Variants in TCHH observed in about 807,000 individuals in gnomAD.
TCHH encodes trichohyalin.
TCHH carries 6 observed loss-of-function variants against 6.3 expected under a neutral mutation model. The observed-to-expected ratio is 0.95, with a 90% CI of 0.52 to 1.88. The LOEUF (loss-of-function observed/expected upper bound fraction) is 1.88. Ranked by LOEUF, TCHH falls within the 40% of genes most tolerant of loss-of-function variation. The pLI is 0.01. For missense variants in TCHH, 2,920 were observed against 2,449.1 expected, an observed-to-expected ratio of 1.19 and a Z score of -4.06; for synonymous variants, 1,087 against 963.6, an observed-to-expected ratio of 1.13 and a Z score of -2.37.
rs753491776 is a variant in TCHH at position 152,107,592 on chromosome 1, T to C, written c.5625A>G (p.Glu1875=). ...WQEEEQKRRQ[E]RERKLREEHI... ...GTTCTTCCCGTAATTTCCTTTCCCG[T>C]TCCTGGCGACGTTTCTGCTCCTCTT... Residue 1875 remains glutamate, a synonymous_variant, in exon 3 of 3, where the codon GAA becomes GAG. Coordinates refer to ENST00000614923, the MANE Select transcript of TCHH (RefSeq NM_007113.4). 15 of 1,614,002 alleles carry C rather than the reference T, an allele frequency of 9.3e-6. No homozygotes were observed. Among genetic ancestry groups the C allele is most frequent in the African/African-American group, 4.0e-5 (3 of 74,914 alleles).
In TCHH at chr1:152,108,001, T is replaced by C. The variant is rs753676446; in HGVS notation, c.5216A>G (p.Gln1739Arg). The part of the protein sequence containing the change: ...EQLRQETEQE[Q>R]LRRQERYRKI... ...TCTGTAGCGTTCTTGGCGGCGCAGC[T>C]GCTCTTGCTCCGTTTCTTGGCGCAG... The change falls in exon 3 of 3, where the codon CAG (glutamine) becomes CGG (arginine). Residue 1739 changes from glutamine (Q) to arginine (R), a missense_variant. By Grantham distance (43) the Gln-to-Arg change is conservative. Coordinates refer to ENST00000614923, the MANE Select transcript of TCHH (RefSeq NM_007113.4). The C allele has an allele frequency of 4.3e-6, 7 of 1,613,620 alleles. No individual in the cohort carries two copies. Among genetic ancestry groups the C allele is most frequent in the Non-Finnish European group, 5.1e-6 (6 of 1,179,934 alleles).
At position 152,111,000 on chromosome 1, in the gene TCHH, C is replaced by T. The variant is rs1341641801; in HGVS notation, c.2217G>A (p.Arg739=). The T allele has an allele frequency of 1.9e-6, 3 of 1,613,270 alleles. No individual in the cohort carries two copies. The African/African-American group carries it at 4.0e-5, about 22-fold the overall frequency. ...ATTGCAGCTCACTCTCCCGGCGCCG[C>T]CTCTTTTCCTCCTGCTCTTGGCGGC... is the stretch of plus-strand genomic sequence containing the variant. ...QRRRQEQEEK[R]RRRESELQWQ... is the part of the protein sequence containing the mutation. The change falls in exon 3 of 3, where the codon AGG becomes AGA. Residue 739 remains arginine (R), a synonymous_variant. Coordinates refer to ENST00000614923, the MANE Select transcript of TCHH (RefSeq NM_007113.4).
rs377407296 is a variant in TCHH at position 152,110,008 on chromosome 1, G to C, written c.3209C>G (p.Thr1070Arg). 1.2e-5 allele frequency: 15 copies of C among 1,203,386 alleles called. No individual in the cohort carries two copies. Among genetic ancestry groups the C allele is most frequent in the Admixed American group, 1.1e-4 (4 of 37,216 alleles). The allele number at this position is 1,203,386 out of a possible 1,614,324, so 74.5% of individuals were successfully genotyped here. Residue 1070 changes from threonine to arginine, a missense_variant, in exon 3 of 3, where the codon ACG (threonine) becomes AGG (arginine). Thr to Arg is a moderately conservative substitution (Grantham distance 71). Coordinates refer to ENST00000614923, the MANE Select transcript of TCHH (RefSeq NM_007113.4). ...EEQLLGEERE[T>R]RRRQELERQY... is the part of the protein sequence containing the mutation. ...CCTCTCCAGCTCCTGGCGCCTTCTC[G>C]TCTCCCGTTCCTCTCCCAGCAGCTG...
chr1:152,110,571 C>T lies in TCHH; in HGVS notation c.2646G>A (p.Arg882=), dbSNP rs775230324. The T allele has an allele frequency of 2.5e-6, 4 of 1,614,062 alleles. No homozygotes were observed. Among genetic ancestry groups the T allele is most frequent in the Admixed American group, 3.3e-5 (2 of 60,012 alleles). The change falls in exon 3 of 3, where the codon AGG becomes AGA. Residue 882 remains arginine, a synonymous_variant. Coordinates refer to ENST00000614923, the MANE Select transcript of TCHH (RefSeq NM_007113.4). ...QKWRWQLEEE[R]KRRRHTLYAK... Reference sequence around the variant, plus strand: ...CGTACAGCGTGTGGCGGCGTCTCTTCCTTTCTTCTTCTAGTTGCCACCTCC... The same window carrying T: ...CGTACAGCGTGTGGCGGCGTCTCTTTCTTTCTTCTTCTAGTTGCCACCTCC...
chr1:152,112,823 C>T lies in TCHH; in HGVS notation c.394G>A (p.Glu132Lys). Residue 132 changes from glutamate (E) to lysine (K), a missense_variant, in exon 3 of 3, where the codon GAA becomes AAA. Transcript: ENST00000614923. ...FEPRDRQLEE[E>K]PGQRRRQKRQ... is the part of the protein sequence containing the mutation. ...TTCTGCCTGCGTCGTTGCCCAGGTTCTTCTTCCAGTTGTCTGTCCCGGGGC... is the reference window on the plus strand; with the variant it reads ...TTCTGCCTGCGTCGTTGCCCAGGTTTTTCTTCCAGTTGTCTGTCCCGGGGC... 1 of 1,612,088 alleles carries T rather than the reference C, an allele frequency of 6.2e-7. No homozygotes were observed. The highest frequency in any genetic ancestry group is 1.3e-5 in the African/African-American group (1 of 74,980).
rs1384385399 is a variant in TCHH at position 152,110,802 on chromosome 1, C to T, written c.2415G>A (p.Gln805=). 5 of 1,608,320 alleles carry T rather than the reference C, an allele frequency of 3.1e-6. No homozygotes were observed. The highest frequency in any genetic ancestry group is 4.2e-6 in the Non-Finnish European group (5 of 1,179,886). The part of the protein sequence containing the change: ...ERQLRAEERQ[Q]REQRFLPEEE... ...CCTCCGGGAGAAACCGTTGTTCCCG[C>T]TGCTGGCGCTCCTCGGCCCTCAGCT... The change falls in exon 3 of 3, where the codon CAG becomes CAA. Residue 805 remains glutamine, a synonymous_variant. Coordinates refer to ENST00000614923, the MANE Select transcript of TCHH (RefSeq NM_007113.4).
In TCHH at chr1:152,109,743, CG is replaced by C. The variant is rs1205862319; in HGVS notation, c.3473del (p.Pro1158ArgfsTer27). On this transcript the variant is annotated frameshift_variant, in exon 3 of 3. Coordinates refer to ENST00000614923, the MANE Select transcript of TCHH (RefSeq NM_007113.4). LOFTEE classifies it low-confidence loss of function (END_TRUNC). ...QEEEQLLREE[P>X]EKRRRQELER... ...CCAGCTCCTGGCGCCTTCTCTTCTC[CG>C]GTTCCTCTCTCAGCAGCTGCTCTTC... 1 of 1,606,436 alleles carries C rather than the reference CG, an allele frequency of 6.2e-7. No homozygotes were observed. Among genetic ancestry groups the C allele is most frequent in the East Asian group, 2.3e-5 (1 of 44,388 alleles).
rs1658323977 is a variant in TCHH, at chr1:152,111,061, A to G, written c.2156T>C (p.Val719Ala). ...ESEADARQSK[V>A]YSRPRKQEGQ... ...TTCCTGCTTGCGGGGCCTCGAGTAG[A>G]CTTTGCTTTGCCGTGCGTCGGCCTC... Residue 719 changes from valine to alanine, a missense_variant, in exon 3 of 3, where the codon GTC becomes GCC. Transcript: ENST00000614923. The G allele has an allele frequency of 6.2e-7, 1 of 1,612,902 alleles. No individual in the cohort carries two copies. Among genetic ancestry groups the G allele is most frequent in the Non-Finnish European group, 8.5e-7 (1 of 1,179,906 alleles).
In TCHH at chr1:152,112,256, TCTC is replaced by T. The variant is rs200970876; in HGVS notation, c.958_960del (p.Glu320del). ...TCGCGCCTCTCCTGCTGCTCGCGCC[TCTC>T]CTCCTGCTGCTCGCGCCTCTCCTCC... On this transcript the variant is annotated inframe_deletion, in exon 3 of 3. Transcript: ENST00000614923. 4.3e-5 allele frequency: 65 copies of T among 1,526,566 alleles called. No homozygotes were observed. Among genetic ancestry groups the T allele is most frequent in the Admixed American group, 7.8e-5 (4 of 51,150 alleles). 94.6% of individuals were successfully genotyped at this position (1,526,566 alleles called of 1,614,324 possible).
Position 152,112,390 on chromosome 1 carries a change from T to G in TCHH, c.827A>C (p.Glu276Ala), listed in dbSNP as rs201972238. 10 of 1,613,666 alleles carry G rather than the reference T, an allele frequency of 6.2e-6. No individual in the cohort carries two copies. In the East Asian group the frequency reaches 1.8e-4, roughly 29 times the overall value. ...QRQRELQEEE[E>A]QLRKLERQEL... ...TTGCCGCTCCAGCTTCCGTAGCTGC[T>G]CTTCTTCCTCCTGGAGCTCTCTTTG... is the stretch of plus-strand genomic sequence containing the variant. The change falls in exon 3 of 3, where the codon GAG (glutamate) becomes GCG (alanine). Residue 276 changes from glutamate (E) to alanine (A), a missense_variant. Transcript: ENST00000614923.
Position 152,110,335 on chromosome 1 carries a change from C to T in TCHH, c.2882G>A (p.Arg961Gln). ...RRRQERERQY[R>Q]KDKKLQQKEE... ...CTTCTGCTGCAGCTTCTTATCCTTC[C>T]GATATTGCCTTTCCCGCTCCTGGCG... The change falls in exon 3 of 3, where the codon CGG (arginine) becomes CAG (glutamine). Residue 961 changes from arginine to glutamine, a missense_variant. Transcript: ENST00000614923. The T allele has an allele frequency of 1.2e-6, 2 of 1,610,816 alleles. No individual in the cohort carries two copies. Among genetic ancestry groups the T allele is most frequent in the Non-Finnish European group, 1.7e-6 (2 of 1,178,742 alleles).
rs762807927 is a variant in TCHH, at chr1:152,112,407, C to T, written c.810G>A (p.Glu270=). 2 of 1,613,902 alleles carry T rather than the reference C, an allele frequency of 1.2e-6. No individual in the cohort carries two copies. The highest frequency in any genetic ancestry group is 2.2e-5 in the East Asian group (1 of 44,852). ...LQEEEPQRQR[E]LQEEEEQLRK... ...GTAGCTGCTCTTCTTCCTCCTGGAG[C>T]TCTCTTTGCCGCTGCGGCTCCTCTT... The change falls in exon 3 of 3, where the codon GAG becomes GAA. Residue 270 remains glutamate, a synonymous_variant. Transcript: ENST00000614923.
rs1385013666 is a variant in TCHH, at chr1:152,107,941, C to T, written c.5276G>A (p.Arg1759Lys). ...ILEEEQLRPE[R>K]EEQQLRRQER... ...CTGGCGGCGCAGCTGCTGTTCTTCC[C>T]TTTCCGGACGGAGCTGCTCTTCCTC... Residue 1759 changes from arginine (R) to lysine (K), a missense_variant, in exon 3 of 3, where the codon AGG becomes AAG. Transcript: ENST00000614923. 18 of 1,594,694 alleles carry T rather than the reference C, an allele frequency of 1.1e-5. No individual in the cohort carries two copies. Among genetic ancestry groups the T allele is most frequent in the East Asian group, 2.3e-5 (1 of 43,804 alleles).
Position 152,108,168 on chromosome 1 carries a change from C to G in TCHH, c.5049G>C (p.Gln1683His). 1 of 1,613,574 alleles carries G rather than the reference C, an allele frequency of 6.2e-7. No individual in the cohort carries two copies. The highest frequency in any genetic ancestry group is 1.3e-5 in the African/African-American group (1 of 74,890). Reference protein sequence around the residue: ...EQLLQEGEEQQLRRQERDRKF... With the variant: ...EQLLQEGEEQHLRRQERDRKF... ...TTCTGTCACGCTCTTGGCGGCGCAG[C>G]TGCTGTTCCTCCCCTTCCTGGAGCA... The change falls in exon 3 of 3, where the codon CAG (glutamine) becomes CAC (histidine). Residue 1683 changes from glutamine (Q) to histidine (H), a missense_variant. Gln to His is a conservative substitution (Grantham distance 24). Transcript: ENST00000614923.
Position 152,110,080 on chromosome 1 carries a change from C to G in TCHH, c.3137G>C (p.Arg1046Pro), listed in dbSNP as rs777359875. The part of the protein sequence containing the change: ...EEREKRRLQE[R>P]ERQYREEEEL... ...CTCTTCCTCCCGATATTGCCTCTCCCGCTCCTGGAGTCTTCTTTTCTCCCG... is the reference window on the plus strand; with the variant it reads ...CTCTTCCTCCCGATATTGCCTCTCCGGCTCCTGGAGTCTTCTTTTCTCCCG... The change falls in exon 3 of 3, where the codon CGG (arginine) becomes CCG (proline). Residue 1046 changes from arginine (R) to proline (P), a missense_variant. Physicochemically the swap from Arg to Pro is moderately radical, Grantham distance 103 (BLOSUM62 -2). Transcript: ENST00000614923. 1 of 1,600,740 alleles carries G rather than the reference C, an allele frequency of 6.2e-7. No individual in the cohort carries two copies. The highest frequency in any genetic ancestry group is 1.1e-5 in the South Asian group (1 of 90,356).
At position 152,108,159 on chromosome 1, in the gene TCHH, G is replaced by A; in HGVS notation, c.5058C>T (p.Arg1686=). The change falls in exon 3 of 3, where the codon CGC becomes CGT. Residue 1686 remains arginine, a synonymous_variant. Coordinates refer to ENST00000614923, the MANE Select transcript of TCHH (RefSeq NM_007113.4). ...CGCGGAATTTTCTGTCACGCTCTTG[G>A]CGGCGCAGCTGCTGTTCCTCCCCTT... ...LQEGEEQQLR[R]QERDRKFREE... 6.2e-7 allele frequency: 1 copy of A among 1,613,584 alleles called. No homozygotes were observed. Among genetic ancestry groups the A allele is most frequent in the Non-Finnish European group, 8.5e-7 (1 of 1,179,940 alleles).
rs1224191213 is a variant in TCHH at position 152,110,920 on chromosome 1, T to G, written c.2297A>C (p.Asp766Ala). Reference protein sequence around the residue: ...RQQQEEEQRRDFTWQWQAEEK... With the variant: ...RQQQEEEQRRAFTWQWQAEEK... ...CTCCGCCTGCCACTGCCATGTGAAG[T>G]CCCGGCGCTGCTCCTCTTCCTGCTG... The change falls in exon 3 of 3, where the codon GAC (aspartate) becomes GCC (alanine). Residue 766 changes from aspartate (D) to alanine (A), a missense_variant. Asp to Ala is a moderately radical substitution (Grantham distance 126). Coordinates refer to ENST00000614923, the MANE Select transcript of TCHH (RefSeq NM_007113.4). 1.2e-6 allele frequency: 2 copies of G among 1,613,060 alleles called. No individual in the cohort carries two copies. Among genetic ancestry groups the G allele is most frequent in the South Asian group, 2.2e-5 (2 of 91,076 alleles).
chr1:152,111,918 CCTCTCCTCCTCCTGCT>C lies in TCHH; in HGVS notation c.1283_1298del (p.Glu428GlyfsTer15), dbSNP rs1383716406. Reference sequence around the variant, plus strand: ...TCTCCTGCTCGTGCTTCTGCTCGTGCCTCTCCTCCTCCTGCTCGCGCCTCAGCTGCTGCTCGCGCCT... The same window carrying C: ...TCTCCTGCTCGTGCTTCTGCTCGTGCCGCGCCTCAGCTGCTGCTCGCGCCT... On this transcript the variant is annotated frameshift_variant, in exon 3 of 3. Coordinates refer to ENST00000614923, the MANE Select transcript of TCHH (RefSeq NM_007113.4). LOFTEE classifies it low-confidence loss of function (END_TRUNC). 6.2e-7 allele frequency: 1 copy of C among 1,602,030 alleles called. No homozygotes were observed. The highest frequency in any genetic ancestry group is 8.5e-7 in the Non-Finnish European group (1 of 1,177,912).
rs1049170235 is a variant in TCHH, at chr1:152,106,391, A to G, written c.*994T>C. The G allele has an allele frequency of 6.6e-6, 1 of 152,194 alleles. No individual in the cohort carries two copies. The highest frequency in any genetic ancestry group is 6.5e-5 in the Admixed American group (1 of 15,276). The allele number at this position is 152,194 out of a possible 1,614,324, so 9.4% of individuals were successfully genotyped here. ...CAAGAATATATCTAAGGTATTATCA[A>G]TAGGCCTCAAATGATTGTGGGCAAA... On this transcript the variant is annotated 3_prime_UTR_variant, in exon 3 of 3. Coordinates refer to ENST00000614923, the MANE Select transcript of TCHH (RefSeq NM_007113.4).
Sources: allele counts gnomAD v4.1 joint callset, GRCh38; gene constraint gnomAD v4.1.1; transcripts MANE v1.5; gene names NCBI Gene and HGNC (gene_info 2026-07-23, HGNC 2026-07-21).